Variants in UACA observed in about 807,000 individuals in gnomAD.
UACA encodes the protein uveal autoantigen with coiled-coil domains and ankyrin repeats, also known as nuclear membrane binding protein.
UACA carries 112 observed loss-of-function variants against 160.5 expected under a neutral mutation model. The ratio of observed to expected loss-of-function variants is 0.70; its 90% CI spans 0.60 to 0.82. The LOEUF (loss-of-function observed/expected upper bound fraction) is 0.82. Ranked by LOEUF, UACA falls within the 40% of genes least tolerant of loss-of-function variation. UACA has a pLI of 0.00. For missense variants in UACA, 1,574 were observed against 1,614.6 expected, an observed-to-expected ratio of 0.97 and a Z score of 0.43; for synonymous variants, 557 against 568.4, an observed-to-expected ratio of 0.98 and a Z score of 0.29.
intron 1 of UACA, among the ~76,000 whole-genome samples, chr15:70,700,225 T>C (rs1898294020): frequency 1.4e-5 from 2 of 147,850 alleles, no homozygotes. Flanking sequence ...CTACATACAT[T>C]TTAAGAAACT....
chr15:70,716,889 A>G (rs1898836604), intron 1 of UACA, among the ~76,000 whole-genome samples: 1 of 152,228 alleles, frequency 6.6e-6, no homozygotes, highest in Admixed American at 6.5e-5. Flanking sequence ...ATAAAAACTA[A>G]GCAGTTAATA....
the UACA span, among the ~76,000 whole-genome samples, chr15:70,771,972 A>G: frequency 2.5e-3 from 382 of 152,352 alleles, 3 homozygotes; most frequent in African/African-American, 9.1e-3. Context: ...CTAGTGGACC[A>G]AAGAAGGATT....
the UACA span, among the ~76,000 whole-genome samples, chr15:70,770,417 T>C: frequency 2.6e-5 from 4 of 152,340 alleles, no homozygotes; most frequent in African/African-American, 9.6e-5. Context: ...ATTAACCAGG[T>C]ATATATATTC....
chr15:70,710,639 T>C (rs1357870590), intron 1 of UACA, among the ~76,000 whole-genome samples: 1 of 152,202 alleles, frequency 6.6e-6, no homozygotes, highest in Non-Finnish European at 1.5e-5. Context: ...CCATGACCCA[T>C]GATTAATTTG....
intron 13 of UACA, among the ~76,000 whole-genome samples, chr15:70,673,924 T>C (rs760874308): frequency 1.3e-5 from 2 of 152,184 alleles, no homozygotes; most frequent in Non-Finnish European, 2.9e-5. Context: ...TGCAGAGGCA[T>C]GATCTCGGCT....
intron 1 of UACA, among the ~76,000 whole-genome samples, chr15:70,735,357 T>A (rs1899333694): frequency 6.6e-6 from 1 of 151,792 alleles, no homozygotes; most frequent in Non-Finnish European, 1.5e-5. Context: ...TTGAATTTTT[T>A]AATGCAGATT....
intron 1 of UACA, among the ~76,000 whole-genome samples, chr15:70,738,991 G>A (rs906318869): frequency 6.6e-6 from 1 of 152,156 alleles, no homozygotes; most frequent in African/African-American, 2.4e-5. Context: ...TGAGATGCAG[G>A]TTCAACATCA....
chr15:70,744,427 T>C (rs1034025980), intron 1 of UACA, among the ~76,000 whole-genome samples: 4 of 152,032 alleles, frequency 2.6e-5, no homozygotes, highest in African/African-American at 9.7e-5. Flanking sequence ...ACCTCACATA[T>C]ACCCGATGCC....
chr15:70,698,011 T>C (rs992428508), intron 2 of UACA, among the ~76,000 whole-genome samples: 7 of 151,974 alleles, frequency 4.6e-5, no homozygotes, highest in Admixed American at 1.3e-4. Flanking sequence ...GATTGTGCCA[T>C]TGCACAACCA....
chr15:70,749,173 A>G, intron 1 of UACA: 1 of 430,970 alleles, frequency 2.3e-6, no homozygotes. Flanking sequence ...GGTGGATCCT[A>G]GTTCATTGTG....
intron 15 of UACA, among the ~76,000 whole-genome samples, chr15:70,670,285 C>A (rs953499112): frequency 6.6e-6 from 1 of 152,142 alleles, no homozygotes; most frequent in African/African-American, 2.4e-5. Flanking sequence ...AAAGGCACTA[C>A]ACATGTGGCC....
chr15:70,768,992 A>G, the UACA span, among the ~76,000 whole-genome samples: 3 of 152,154 alleles, frequency 2.0e-5, no homozygotes, highest in Non-Finnish European at 4.4e-5. Context: ...GTTCAATACC[A>G]CCAGTTACTC....
At chr15:70,699,814 T>C (rs1898275938) in intron 1 of UACA, 154 bp from the exon 2 acceptor site, 1 of 758,424 alleles carries the variant, frequency 1.3e-6, no homozygotes, top group Non-Finnish European at 2.0e-6. Context: ...CTGTGCTAAC[T>C]TCATTAGGAG....
At chr15:70,773,229 G>A in the UACA span, among the ~76,000 whole-genome samples, 4 of 152,140 alleles carry the variant, frequency 2.6e-5, no homozygotes, top group African/African-American at 9.7e-5. Context: ...GAAGCACAGA[G>A]ACAGAGGAGC....
At chr15:70,700,909 CTGTATATCCTCTACA>C (rs2140969058) in intron 1 of UACA, among the ~76,000 whole-genome samples, 1 of 152,068 alleles carries the variant, frequency 6.6e-6, no homozygotes, top group Non-Finnish European at 1.5e-5. Context: ...ACTGAATCAC[CTGTATATCCTCTACA>C]TGTTTGATCA....
intron 1 of UACA, among the ~76,000 whole-genome samples, chr15:70,744,020 G>A (rs971328437): frequency 1.1e-4 from 17 of 151,942 alleles, no homozygotes; most frequent in African/African-American, 3.9e-4. Context: ...CGAGACGGGC[G>A]GATCACGAGG....
chr15:70,668,007 T>TTTGTAAA lies in UACA; in HGVS notation c.2676_2677insTTTACAA (p.Ile893PhefsTer13). 6.2e-7 allele frequency: 1 copy of TTTGTAAA among 1,602,936 alleles called. No individual in the cohort carries two copies. The highest frequency in any genetic ancestry group is 8.5e-7 in the Non-Finnish European group (1 of 1,175,406). ...TTTATTTTTACAAATTCCTGATTTA[T>TTTGTAAA]ATCTTCAAATTTTTTCTTCACATCT... is the stretch of plus-strand genomic sequence containing the variant. On this transcript the variant is annotated frameshift_variant, in exon 16 of 19. Transcript: ENST00000322954. LOFTEE classifies it high-confidence loss of function.
At chr15:70,735,676 A>AT (rs34180347) in intron 1 of UACA, among the ~76,000 whole-genome samples, 7,357 of 152,058 alleles carry the variant, frequency 0.048, 642 homozygotes, top group African/African-American at 0.17. Flanking sequence ...AAAACAATGT[A>AT]TTTTTGTTTG....
rs1896920577 is a variant in UACA at position 70,666,737 on chromosome 15, G to A, written c.3947C>T (p.Ala1316Val). Residue 1316 changes from alanine (A) to valine (V), a missense_variant, in exon 16 of 19, where the codon GCA becomes GTA. By Grantham distance (64) the Ala-to-Val change is moderately conservative. Coordinates refer to ENST00000322954, the MANE Select transcript of UACA (RefSeq NM_018003.4). ...RIQESAKQIE[A>V]KDNKITELLN... ...CTTTGTACCTACCTTATTATCTTTT[G>A]CTTCTATTTGTTTAGCAGATTCTTG... 3 of 1,604,550 alleles carry A rather than the reference G, an allele frequency of 1.9e-6. No individual in the cohort carries two copies. The highest frequency in any genetic ancestry group is 2.5e-6 in the Non-Finnish European group (3 of 1,176,954).
Sources: gnomAD v4.1 joint callset for allele counts (sites outside exome capture counted in the v4.1 genomes callset) on GRCh38, gnomAD v4.1.1 for gene constraint, MANE v1.5 for transcripts, NCBI Gene and HGNC (gene_info 2026-07-23, HGNC 2026-07-21) for gene names.